Variants in AGPAT3 observed in about 807,000 individuals in gnomAD.
The protein encoded by AGPAT3 is 1-acyl-sn-glycerol-3-phosphate acyltransferase gamma.
AGPAT3 carries 5 observed loss-of-function variants against 47.3 expected under a neutral mutation model. That is an observed-to-expected ratio of 0.11 (90% CI 0.06 to 0.22). The LOEUF (loss-of-function observed/expected upper bound fraction) is 0.22. Ranked by LOEUF, AGPAT3 falls within the 10% of genes least tolerant of loss-of-function variation. AGPAT3 has a pLI of 1.00. For missense variants in AGPAT3, 315 were observed against 493.0 expected (o/e 0.64, Z 3.42); for synonymous variants, 212 against 208.3 (o/e 1.02, Z -0.15).
At position 43,978,060 on chromosome 21, in the gene AGPAT3, A is replaced by T. The variant is rs747939954; in HGVS notation, c.782A>T (p.Glu261Val). The T allele has an allele frequency of 1.9e-6, 3 of 1,613,400 alleles. No homozygotes were observed. Among genetic ancestry groups the T allele is most frequent in the Non-Finnish European group, 2.5e-6 (3 of 1,179,720 alleles). Residue 261 changes from glutamate to valine, a missense_variant, in exon 8 of 10, where the codon GAA (glutamate) becomes GTA (valine). Transcript: ENST00000291572. ...ADMCVRRFPLEDIPLDEKEAA... is the reference protein window; with the variant it reads ...ADMCVRRFPLVDIPLDEKEAA... The stretch of plus-strand genomic sequence containing the variant: ...TCATAAAACAGGAGATTTCCTCTGG[A>T]AGACATCCCGCTGGATGAAAAGGAA...
At chr21:43,905,242 T>G (rs1007872424) in intron 2 of AGPAT3, among the ~76,000 whole-genome samples, 4 of 151,812 alleles carry the variant, frequency 2.6e-5, no homozygotes, top group Admixed American at 6.6e-5. Flanking sequence ...CGGGCTGGAG[T>G]GCAGTAGAAC....
Position 43,934,164 on chromosome 21 carries a change from C to A in AGPAT3, c.-48-25470C>A, listed in dbSNP as rs1039947500. 6.6e-6 allele frequency among the ~76,000 whole-genome samples: 1 copy of A among 152,126 alleles called. No homozygotes were observed. Among genetic ancestry groups the A allele is most frequent in the Admixed American group, 6.5e-5 (1 of 15,280 alleles). On this transcript the variant is annotated intron_variant, in intron 2 of 9. Transcript: ENST00000291572. This position sits in a 1 kb window ranked among gnomAD's most constrained non-coding sequence, Gnocchi z 4.7. ...ATGGGTGCCCGGCACGCCAGCTCCC[C>A]GAGCACCAGCTCCCCTGCCGAGCAC...
At chr21:43,971,782 T>C (rs1227867583) in intron 7 of AGPAT3, among the ~76,000 whole-genome samples, 3 of 152,210 alleles carry the variant, frequency 2.0e-5, no homozygotes, top group African/African-American at 7.2e-5. Flanking sequence ...GGGGAAATCA[T>C]TGACCTGGCT....
In AGPAT3 at chr21:43,908,445, G is replaced by A. The variant is rs748457548; in HGVS notation, c.-49+4426G>A. On this transcript the variant is annotated intron_variant, in intron 2 of 9. Transcript: ENST00000291572. This position sits in a 1 kb window ranked among gnomAD's most constrained non-coding sequence, Gnocchi z 4.9. ...CATGGGCTGGGAACTTGTGGAACCC[G>A]GTGTGTATGACTCGCTCCGTGATTC... Among the ~76,000 whole-genome samples, 13 of 152,148 alleles carry A rather than the reference G, an allele frequency of 8.5e-5. No homozygotes were observed. The highest frequency in any genetic ancestry group is 1.9e-4 in the Non-Finnish European group (13 of 68,026).
At chr21:43,926,285 A>G (rs776624657) in intron 2 of AGPAT3, among the ~76,000 whole-genome samples, 2 of 152,176 alleles carry the variant, frequency 1.3e-5, no homozygotes, top group African/African-American at 2.4e-5. Flanking sequence ...GTTCTTGAGT[A>G]ACGCACTGGC....
chr21:43,874,103 G>A (rs1171337204), intron 1 of AGPAT3, among the ~76,000 whole-genome samples: 1 of 152,192 alleles, frequency 6.6e-6, no homozygotes, highest in East Asian at 1.9e-4. Flanking sequence ...TCGGCTCACT[G>A]CAACCTCCGC....
At chr21:43,962,091 C>T (rs113528919) in intron 3 of AGPAT3, among the ~76,000 whole-genome samples, 1 of 151,016 alleles carries the variant, frequency 6.6e-6, no homozygotes, top group Admixed American at 6.6e-5. Context: ...AGCTCTGCCT[C>T]CTGGGTTCAC....
intron 2 of AGPAT3, among the ~76,000 whole-genome samples, chr21:43,923,230 G>A (rs2086946546): frequency 6.6e-6 from 1 of 151,482 alleles, no homozygotes; most frequent in Non-Finnish European, 1.5e-5. Flanking sequence ...AGTAGGGGGT[G>A]GGGGGAGTCG....
Position 43,958,774 on chromosome 21 carries a change from A to G in AGPAT3, c.-48-860A>G, listed in dbSNP as rs549066376. On this transcript the variant is annotated intron_variant, in intron 2 of 9. Transcript: ENST00000291572. ...CAGTGTGTAGTGTGTGTGGTTTGTGATGTGTGTGTGGCATATGTGTGGTTT... is the reference window on the plus strand; with the variant it reads ...CAGTGTGTAGTGTGTGTGGTTTGTGGTGTGTGTGTGGCATATGTGTGGTTT... 5.8e-3 allele frequency among the ~76,000 whole-genome samples: 365 copies of G among 62,880 alleles called. 5 individuals carry two copies. The highest frequency in any genetic ancestry group is 0.023 in the African/African-American group (348 of 15,236). 41.3% of individuals were successfully genotyped at this position (62,880 alleles called of 152,430 possible). A position where few individuals can be genotyped will look rare whatever the true frequency, so the allele number is the denominator to read the frequency against.
At chr21:43,915,344 G>A (rs1177954794) in intron 2 of AGPAT3, among the ~76,000 whole-genome samples, 3 of 148,224 alleles carry the variant, frequency 2.0e-5, no homozygotes, top group Non-Finnish European at 4.5e-5. Context: ...GAGCCACTGC[G>A]CCTGCCCCCC....
At chr21:43,959,888 G>T (rs765721345) in intron 3 of AGPAT3, 29 bp downstream of exon 3, 7 of 1,578,778 alleles carry the variant, frequency 4.4e-6, no homozygotes, top group Middle Eastern at 1.7e-4. Flanking sequence ...AGTCCCTGCC[G>T]CCTGGGGCTC....
In AGPAT3 at chr21:43,985,308, C is replaced by T. The variant is rs1289736291; in HGVS notation, c.*2916C>T. 1 of 428,412 alleles carries T rather than the reference C, an allele frequency of 2.3e-6. No individual in the cohort carries two copies. Among genetic ancestry groups the T allele is most frequent in the East Asian group, 7.1e-5 (1 of 14,046 alleles). 26.5% of individuals were successfully genotyped at this position (428,412 alleles called of 1,614,324 possible). A position where few individuals can be genotyped will look rare whatever the true frequency, so the allele number is the denominator to read the frequency against. On this transcript the variant is annotated 3_prime_UTR_variant, in exon 10 of 10. Coordinates refer to ENST00000291572, the MANE Select transcript of AGPAT3 (RefSeq NM_020132.5). The stretch of plus-strand genomic sequence containing the variant: ...ATGTGAGGTGCTTTAAGGTCCCTGT[C>T]CTCAGGAAGCGCAGTCTGGTGGAAG...
chr21:43,868,586 G>A (rs555746939), intron 1 of AGPAT3, among the ~76,000 whole-genome samples: 37 of 152,314 alleles, frequency 2.4e-4, no homozygotes, highest in Admixed American at 2.3e-3. Flanking sequence ...AAAATGAGCA[G>A]CAGTAACAAG....
In AGPAT3 at chr21:43,939,482, G is replaced by T. The variant is rs943801342; in HGVS notation, c.-48-20152G>T. 5.9e-5 allele frequency among the ~76,000 whole-genome samples: 9 copies of T among 152,168 alleles called. No homozygotes were observed. Among genetic ancestry groups the T allele is most frequent in the Non-Finnish European group, 1.0e-4 (7 of 68,024 alleles). ...GGAGGGACGTGCCTGACTTCTGGAG[G>T]ATAAGAGGCGGCCCACCCCACAGCT... is the stretch of plus-strand genomic sequence containing the variant. On this transcript the variant is annotated intron_variant, in intron 2 of 9. Transcript: ENST00000291572. The surrounding 1 kb of genome is among the most constrained non-coding windows in gnomAD (Gnocchi z 4.4).
intron 2 of AGPAT3, among the ~76,000 whole-genome samples, chr21:43,909,453 G>A (rs996845376): frequency 1.3e-5 from 2 of 152,090 alleles, no homozygotes; most frequent in African/African-American, 4.8e-5. Flanking sequence ...CTGCCACCAT[G>A]CCCGGCTAAT....
rs1468131821 is a variant in AGPAT3, at chr21:43,955,645, C to T, written c.-48-3989C>T. Among the ~76,000 whole-genome samples the T allele has an allele frequency of 2.0e-5, 3 of 151,940 alleles. No individual in the cohort carries two copies. The highest frequency in any genetic ancestry group is 2.9e-5 in the Non-Finnish European group (2 of 67,980). On this transcript the variant is annotated intron_variant, in intron 2 of 9. Coordinates refer to ENST00000291572, the MANE Select transcript of AGPAT3 (RefSeq NM_020132.5). This position sits in a 1 kb window ranked among gnomAD's most constrained non-coding sequence, Gnocchi z 4.1. ...TCATGACTGGGTGCGGTGGCTCACA[C>T]CTGTAATCCCAGCGCTTTGGGAGGT...
At chr21:43,979,318 A>G (rs898771242) in intron 8 of AGPAT3, among the ~76,000 whole-genome samples, 11 of 138,358 alleles carry the variant, frequency 8.0e-5, no homozygotes, top group Admixed American at 1.5e-4. Flanking sequence ...AAAAAAAAAG[A>G]AAGAAAAAAA....
chr21:43,956,677 G>A (rs927755261), intron 2 of AGPAT3, among the ~76,000 whole-genome samples: 4 of 152,212 alleles, frequency 2.6e-5, no homozygotes, highest in Non-Finnish European at 5.9e-5. Context: ...TTAGCTGGGT[G>A]CTGTGGGGTT....
intron 1 of AGPAT3, among the ~76,000 whole-genome samples, chr21:43,903,315 T>C (rs2086400563): frequency 2.0e-5 from 3 of 152,118 alleles, no homozygotes. Flanking sequence ...GAGAAAGTTC[T>C]GGAGATGGAC....
Sources: allele counts gnomAD v4.1 joint callset (sites outside exome capture counted in the v4.1 genomes callset), GRCh38; gene constraint gnomAD v4.1.1; non-coding constraint Gnocchi (gnomAD v3.1); transcripts MANE v1.5; gene names NCBI Gene and HGNC (gene_info 2026-07-23, HGNC 2026-07-21).